Variants in RPS6KC1 observed in about 807,000 individuals in gnomAD.
RPS6KC1 encodes the protein inactive ribosomal protein S6 kinase delta-1.
RPS6KC1 carries 54 observed loss-of-function variants against 103.8 expected under a neutral mutation model. The observed-to-expected ratio is 0.52, with a 90% CI of 0.42 to 0.65. The LOEUF (loss-of-function observed/expected upper bound fraction) is 0.65, where lower values mean the gene tolerates loss of function less well. Ranked by LOEUF, RPS6KC1 falls within the 30% of genes least tolerant of loss-of-function variation. The pLI is 0.00. For missense variants in RPS6KC1, 1,151 were observed against 1,253.8 expected (o/e 0.92, Z 1.24); for synonymous variants, 439 against 438.7 (o/e 1.00, Z -0.01).
intron 6 of RPS6KC1, among the ~76,000 whole-genome samples, chr1:213,132,076 G>A (rs1294449117): frequency 6.6e-6 from 1 of 152,198 alleles, no homozygotes; most frequent in Non-Finnish European, 1.5e-5. Flanking sequence ...ATAGATGCAT[G>A]TCAGAAAATA....
the RPS6KC1 span, among the ~76,000 whole-genome samples, chr1:213,306,129 A>G: frequency 6.6e-6 from 1 of 152,208 alleles, no homozygotes; most frequent in Non-Finnish European, 1.5e-5. Context: ...TGATCTTAAG[A>G]TATGATTTTT....
the RPS6KC1 span, among the ~76,000 whole-genome samples, chr1:213,558,219 G>C: frequency 0.041 from 6,226 of 152,336 alleles, 347 homozygotes; most frequent in East Asian, 0.29. Context: ...GATAACAGGA[G>C]TTGGCAGATG....
At chr1:213,743,602 G>T in the RPS6KC1 span, among the ~76,000 whole-genome samples, 1 of 152,322 alleles carries the variant, frequency 6.6e-6, no homozygotes, top group African/African-American at 2.4e-5. Flanking sequence ...TTGAAGCCTA[G>T]CAGCTTGAAG....
chr1:213,359,636 A>G, the RPS6KC1 span, among the ~76,000 whole-genome samples: 1 of 148,820 alleles, frequency 6.7e-6, no homozygotes, highest in Non-Finnish European at 1.5e-5. Context: ...TAGTTGATGC[A>G]GTTTCTTCCT....
chr1:213,421,372 C>T, the RPS6KC1 span, among the ~76,000 whole-genome samples: 1 of 152,248 alleles, frequency 6.6e-6, no homozygotes, highest in South Asian at 2.1e-4. Context: ...CTTGGCCTCC[C>T]AAAGTGTGGG....
the RPS6KC1 span, among the ~76,000 whole-genome samples, chr1:213,785,396 G>A: frequency 6.6e-6 from 1 of 151,792 alleles, no homozygotes; most frequent in Non-Finnish European, 1.5e-5. Flanking sequence ...GAAACACTGG[G>A]ACTGTGACAG....
the RPS6KC1 span, among the ~76,000 whole-genome samples, chr1:213,850,426 C>T: frequency 3.3e-5 from 5 of 152,170 alleles, no homozygotes; most frequent in East Asian, 1.9e-4. Context: ...ACTGGCCTGC[C>T]GCTTAGGACT....
chr1:213,107,840 A>G (rs1434647108), intron 4 of RPS6KC1, among the ~76,000 whole-genome samples: 1 of 152,228 alleles, frequency 6.6e-6, no homozygotes, highest in South Asian at 2.1e-4. Flanking sequence ...GCAGGTGTGC[A>G]GTGGCATTTC....
chr1:213,809,230 G>C, the RPS6KC1 span, among the ~76,000 whole-genome samples: 2 of 152,188 alleles, frequency 1.3e-5, no homozygotes, highest in Non-Finnish European at 2.9e-5. Flanking sequence ...TGAGGAGACA[G>C]AGATGAGGGA....
At chr1:213,092,531 G>A (rs2081065832) in intron 3 of RPS6KC1, among the ~76,000 whole-genome samples, 1 of 151,812 alleles carries the variant, frequency 6.6e-6, no homozygotes, top group Non-Finnish European at 1.5e-5. Context: ...ATTAGGCCGG[G>A]CATGGTGGCG....
At chr1:213,345,598 A>G in the RPS6KC1 span, among the ~76,000 whole-genome samples, 1 of 152,232 alleles carries the variant, frequency 6.6e-6, no homozygotes, top group African/African-American at 2.4e-5. Context: ...GTATTGGTAA[A>G]GGCAAGTCTA....
the RPS6KC1 span, among the ~76,000 whole-genome samples, chr1:213,475,050 T>G: frequency 2.0e-5 from 3 of 152,184 alleles, no homozygotes; most frequent in African/African-American, 7.2e-5. Flanking sequence ...GAGGAACAAC[T>G]GGATATATTC....
rs1422424143 is a variant in RPS6KC1 at position 213,241,808 on chromosome 1, G to A, written c.2332G>A (p.Val778Ile). 2.5e-6 allele frequency: 4 copies of A among 1,613,926 alleles called. No individual in the cohort carries two copies. Among genetic ancestry groups the A allele is most frequent in the Admixed American group, 3.3e-5 (2 of 59,976 alleles). Residue 778 changes from valine to isoleucine, a missense_variant, in exon 11 of 15, where the codon GTA (valine) becomes ATA (isoleucine). This residue lies in a region of RPS6KC1 where 959 missense variants were observed against 1,006.3 expected (regional missense o/e 0.95). Transcript: ENST00000366960. The stretch of plus-strand genomic sequence containing the variant: ...ACAGGAGGATCCCAGGATGTTATTT[G>A]TAGCAGCTGTTGATCATAGTAGTTC... The part of the protein sequence containing the change: ...YAQEDPRMLF[V>I]AAVDHSSSGD...
At chr1:213,539,246 C>A in the RPS6KC1 span, among the ~76,000 whole-genome samples, 2 of 152,198 alleles carry the variant, frequency 1.3e-5, no homozygotes, top group Non-Finnish European at 2.9e-5. Flanking sequence ...CCAGAGAAAA[C>A]CTCCACTTCA....
the RPS6KC1 span, among the ~76,000 whole-genome samples, chr1:213,707,884 C>T: frequency 1.3e-5 from 2 of 152,150 alleles, no homozygotes; most frequent in Non-Finnish European, 2.9e-5. Context: ...GGTCTCTGTT[C>T]TGCTCCATTA....
the RPS6KC1 span, among the ~76,000 whole-genome samples, chr1:213,686,731 G>A: frequency 4.6e-5 from 7 of 152,138 alleles, no homozygotes; most frequent in East Asian, 1.3e-3. Flanking sequence ...AAGAATTCGG[G>A]GCAAGTTCAT....
At chr1:213,647,597 T>C in the RPS6KC1 span, among the ~76,000 whole-genome samples, 32 of 152,298 alleles carry the variant, frequency 2.1e-4, no homozygotes, top group Admixed American at 1.7e-3. Context: ...TTATTCTAAA[T>C]AATCCTGAGG....
chr1:213,588,101 G>T, the RPS6KC1 span, among the ~76,000 whole-genome samples: 1 of 151,870 alleles, frequency 6.6e-6, no homozygotes, highest in African/African-American at 2.4e-5. Context: ...TTTGAGACAG[G>T]GTCTCTCTCT....
the RPS6KC1 span, among the ~76,000 whole-genome samples, chr1:213,826,516 G>A: frequency 1.3e-3 from 204 of 152,254 alleles, 3 homozygotes; most frequent in East Asian, 0.019. Context: ...AGGCAGAACC[G>A]GCTATATAAT....
Sources: gnomAD v4.1 joint callset for allele counts (sites outside exome capture counted in the v4.1 genomes callset) on GRCh38, gnomAD v4.1.1 for gene constraint, gnomAD v4.1.1 regional missense constraint, MANE v1.5 for transcripts, NCBI Gene and HGNC (gene_info 2026-07-23, HGNC 2026-07-21) for gene names.